The following NCBP3 variants were observed in gnomAD, a reference collection of about 807,000 sequenced individuals.
NCBP3 encodes the protein nuclear cap binding subunit 3.
A neutral mutation model predicts 75.7 loss-of-function variants in NCBP3; 20 were observed. The observed-to-expected ratio is 0.26, with a 90% CI of 0.19 to 0.38. The LOEUF (loss-of-function observed/expected upper bound fraction) is 0.38, where lower values mean the gene tolerates loss of function less well. Ranked by LOEUF, NCBP3 falls within the 10% of genes least tolerant of loss-of-function variation. The pLI, the probability that NCBP3 is intolerant of heterozygous loss-of-function variation, is 1.00. For synonymous variants in NCBP3, 293 were observed against 290.5 expected, an observed-to-expected ratio of 1.01 and a Z score of -0.09; for missense variants, 678 against 796.9, an observed-to-expected ratio of 0.85 and a Z score of 1.80.
intron 3 of NCBP3, among the ~76,000 whole-genome samples, chr17:3,834,807 G>C (rs1023866310): frequency 6.7e-6 from 1 of 149,606 alleles, no homozygotes; most frequent in African/African-American, 2.5e-5. Flanking sequence ...TCCATAAGAA[G>C]CAAGCTCCAA....
chr17:3,845,658 A>T (rs952839476), intron 1 of NCBP3, among the ~76,000 whole-genome samples: 4 of 152,100 alleles, frequency 2.6e-5, no homozygotes, highest in Admixed American at 1.3e-4. Flanking sequence ...TGCTGGCGCC[A>T]CCCAACAGCT....
At position 3,826,139 on chromosome 17, in the gene NCBP3, C is replaced by T; in HGVS notation, c.558G>A (p.Lys186=). ...CCTCACTGGCATCCCTGCTTCTGAT[C>T]TTATCCTGTGCAGGCAGGGAGCTCA... The part of the protein sequence containing the change: ...INMSSLPAQD[K]IRSRDASEDK... Residue 186 remains lysine (K), a synonymous_variant, in exon 5 of 13, where the codon AAG becomes AAA. Transcript: ENST00000389005. 1 of 1,551,670 alleles carries T rather than the reference C, an allele frequency of 6.4e-7. No individual in the cohort carries two copies. The highest frequency in any genetic ancestry group is 1.4e-5 in the African/African-American group (1 of 73,158).
At chr17:3,841,583 A>G (rs184634787) in intron 2 of NCBP3, among the ~76,000 whole-genome samples, 1 of 151,682 alleles carries the variant, frequency 6.6e-6, no homozygotes, top group South Asian at 2.1e-4. Flanking sequence ...TCTTGTCTAA[A>G]AGATGACCAA....
chr17:3,846,143 C>T lies in NCBP3; in HGVS notation c.81G>A (p.Glu27=). Residue 27 remains glutamate, a synonymous_variant, in exon 1 of 13, where the codon GAG becomes GAA. Transcript: ENST00000389005. This position sits in a 1 kb window ranked among gnomAD's most constrained non-coding sequence, Gnocchi z 4.6. ...AGPALGLPSP[E]AESGVDRGEP... ...CGCCACGGTCAACACCGGACTCCGC[C>T]TCAGGGGACGGGAGCCCCAGGGCCG... 6.5e-7 allele frequency: 1 copy of T among 1,540,618 alleles called. No individual in the cohort carries two copies. The highest frequency in any genetic ancestry group is 8.8e-7 in the Non-Finnish European group (1 of 1,142,572).
chr17:3,845,855 G>C (rs908957323), intron 1 of NCBP3, among the ~76,000 whole-genome samples, 186 bp downstream of exon 1: 1 of 151,880 alleles, frequency 6.6e-6, no homozygotes, highest in Non-Finnish European at 1.5e-5. Flanking sequence ...CGGCGCCCCG[G>C]CGTCCTTTCT....
Position 3,812,976 on chromosome 17 carries a change from C to A in NCBP3, c.*68G>T. 5.6e-6 allele frequency: 9 copies of A among 1,594,462 alleles called. No homozygotes were observed. The highest frequency in any genetic ancestry group is 7.7e-6 in the Non-Finnish European group (9 of 1,169,970). ...GGCGCCAGCTCCTGCGGGGGAGGTT[C>A]CTACTGCGCGCCCCACCCTGTGCAA... On this transcript the variant is annotated 3_prime_UTR_variant, in exon 13 of 13. Coordinates refer to ENST00000389005, the MANE Select transcript of NCBP3 (RefSeq NM_001114118.3).
At position 3,810,288 on chromosome 17, in the gene NCBP3, G is replaced by A. The variant is rs1230000462; in HGVS notation, c.*2756C>T. On this transcript the variant is annotated 3_prime_UTR_variant, in exon 13 of 13. Coordinates refer to ENST00000389005, the MANE Select transcript of NCBP3 (RefSeq NM_001114118.3). ...AAGGGCAGTGGCTGAAGAACGGAGA[G>A]GGGTTCACAGGATCAGACTACAAGG... is the stretch of plus-strand genomic sequence containing the variant. The A allele has an allele frequency of 6.6e-6, 1 of 152,294 alleles. No individual in the cohort carries two copies. The highest frequency in any genetic ancestry group is 1.5e-5 in the Non-Finnish European group (1 of 68,112). The allele number at this position is 152,294 out of a possible 1,614,324, so 9.4% of individuals were successfully genotyped here.
At chr17:3,842,835 G>A (rs150454097) in intron 2 of NCBP3, among the ~76,000 whole-genome samples, 3 of 152,174 alleles carry the variant, frequency 2.0e-5, no homozygotes, top group Admixed American at 2.0e-4. Flanking sequence ...TCGTAGAGAC[G>A]GGTCTCACTA....
rs568663417 is a variant in NCBP3, at chr17:3,816,205, G to A, written c.1376C>T (p.Pro459Leu). Residue 459 changes from proline (P) to leucine (L), a missense_variant, in exon 11 of 13, where the codon CCA (proline) becomes CTA (leucine). By Grantham distance (98) the Pro-to-Leu change is moderately conservative (BLOSUM62 -3). Around this residue, in one of 7 missense-constraint regions of NCBP3, gnomAD observed 365 missense variants for 392.7 expected, o/e 0.93. Transcript: ENST00000389005. ...TCGGACATCTGCAAATTTCTCAGGT[G>A]GTAATTTGTTACCAATTCGGTTTTT... ...NIKNRIGNKLPPEKFADVRHL... is the reference protein window; with the variant it reads ...NIKNRIGNKLLPEKFADVRHL... The A allele has an allele frequency of 4.3e-6, 7 of 1,613,996 alleles. No homozygotes were observed. The African/African-American group carries it at 9.3e-5, about 22-fold the overall frequency.
intron 10 of NCBP3, among the ~76,000 whole-genome samples, chr17:3,816,764 A>G (rs1318080806): frequency 6.6e-6 from 1 of 152,226 alleles, no homozygotes; most frequent in Non-Finnish European, 1.5e-5. Flanking sequence ...GAATGTGAAC[A>G]GGCTCATGCC....
At chr17:3,842,661 T>C (rs536829539) in intron 2 of NCBP3, among the ~76,000 whole-genome samples, 2 of 152,308 alleles carry the variant, frequency 1.3e-5, no homozygotes, top group East Asian at 1.9e-4. Context: ...GACATCGTTG[T>C]ATAACACAAA....
chr17:3,832,388 C>T (rs2053894079), intron 3 of NCBP3, among the ~76,000 whole-genome samples: 1 of 119,798 alleles, frequency 8.3e-6, no homozygotes, highest in South Asian at 3.0e-4. Flanking sequence ...AATCCCAGCA[C>T]TTTGGGAGGC....
At chr17:3,823,595 T>C (rs1044602264) in intron 7 of NCBP3, among the ~76,000 whole-genome samples, 1 of 152,172 alleles carries the variant, frequency 6.6e-6, no homozygotes, top group African/African-American at 2.4e-5. Flanking sequence ...CATTTTTTTA[T>C]TTTTTAAAAT....
Position 3,813,355 on chromosome 17 carries a change from T to A in NCBP3, c.1628-76A>T, listed in dbSNP as rs539061214. 5.9e-4 allele frequency: 896 copies of A among 1,525,444 alleles called. 2 individuals carry two copies. The Middle Eastern group carries it at 0.018, about 31-fold the overall frequency. 94.5% of individuals were successfully genotyped at this position (1,525,444 alleles called of 1,614,324 possible). A position where few individuals can be genotyped will look rare whatever the true frequency, so the allele number is the denominator to read the frequency against. ...GGTAGCACTGAGGGGGCAGCAGCAC[T>A]GCCAACACCTGCTGTGCAGGAAACG... On this transcript the variant is annotated intron_variant, in intron 12 of 12. Transcript: ENST00000389005.
chr17:3,841,963 G>A (rs1312140529), intron 2 of NCBP3, among the ~76,000 whole-genome samples: 1 of 151,774 alleles, frequency 6.6e-6, no homozygotes, highest in Admixed American at 6.6e-5. Context: ...AAACTTAACT[G>A]TAAACATTAA....
At position 3,803,283 on chromosome 17, in the gene NCBP3, G is replaced by A. The variant is rs922721817; in HGVS notation, c.*9761C>T. 8 of 152,368 alleles carry A rather than the reference G, an allele frequency of 5.3e-5. No individual in the cohort carries two copies. The highest frequency in any genetic ancestry group is 7.3e-5 in the Non-Finnish European group (5 of 68,048). The allele number at this position is 152,368 out of a possible 1,614,324, so 9.4% of individuals were successfully genotyped here. On this transcript the variant is annotated 3_prime_UTR_variant, in exon 13 of 13. Coordinates refer to ENST00000389005, the MANE Select transcript of NCBP3 (RefSeq NM_001114118.3). Reference sequence around the variant, plus strand: ...TGTCATGAAAGACAGAAAGGCTGAGGACCTGCTCCAAACGAAAGGAGGCTG... The same window carrying A: ...TGTCATGAAAGACAGAAAGGCTGAGAACCTGCTCCAAACGAAAGGAGGCTG...
intron 4 of NCBP3, among the ~76,000 whole-genome samples, chr17:3,826,674 AAGAG>A (rs1028928165): frequency 4.1e-5 from 6 of 145,712 alleles, no homozygotes; most frequent in African/African-American, 1.6e-4. Context: ...GAAAGAAAGA[AAGAG>A]AAAGAGAGAC....
At chr17:3,836,000 T>G (rs1461370861) in intron 3 of NCBP3, among the ~76,000 whole-genome samples, 1 of 152,158 alleles carries the variant, frequency 6.6e-6, no homozygotes, top group Non-Finnish European at 1.5e-5. Flanking sequence ...ACCTTCATTT[T>G]CTCCCCAGTG....
rs1288176599 is a variant in NCBP3 at position 3,802,322 on chromosome 17, T to A, written c.*10722A>T. ...GACTTCATTACTAGATAAAAATCCATGTTATTTTGTTTCTCGCATTGAAAG... is the reference window on the plus strand; with the variant it reads ...GACTTCATTACTAGATAAAAATCCAAGTTATTTTGTTTCTCGCATTGAAAG... On this transcript the variant is annotated 3_prime_UTR_variant, in exon 13 of 13. Coordinates refer to ENST00000389005, the MANE Select transcript of NCBP3 (RefSeq NM_001114118.3). The A allele has an allele frequency of 6.6e-6, 1 of 152,080 alleles. No homozygotes were observed. The highest frequency in any genetic ancestry group is 1.5e-5 in the Non-Finnish European group (1 of 68,004). 9.4% of individuals were successfully genotyped at this position (152,080 alleles called of 1,614,324 possible).
Sources: allele counts gnomAD v4.1 joint callset (sites outside exome capture counted in the v4.1 genomes callset), GRCh38; gene constraint gnomAD v4.1.1; regional missense constraint gnomAD v4.1.1; non-coding constraint Gnocchi (gnomAD v3.1); transcripts MANE v1.5; gene names NCBI Gene and HGNC (gene_info 2026-07-23, HGNC 2026-07-21).